Variants in DRC1 observed in about 807,000 individuals in gnomAD.
DRC1 encodes the protein dynein regulatory complex subunit 1, also known as dynein regulatory complex protein 1.
A neutral mutation model predicts 98.7 loss-of-function variants in DRC1; 74 were observed. The observed-to-expected ratio is 0.75, with a 90% CI of 0.62 to 0.91. The LOEUF (loss-of-function observed/expected upper bound fraction) is 0.91, where lower values mean the gene tolerates loss of function less well. DRC1 is among the 40% of genes least tolerant of loss of function. The pLI is 0.00. For synonymous variants in DRC1, 336 were observed against 334.1 expected, an observed-to-expected ratio of 1.01 and a Z score of -0.06; for missense variants, 875 against 886.0, an observed-to-expected ratio of 0.99 and a Z score of 0.16.
rs775996518 is a variant in DRC1, at chr2:26,424,372, T to C, written c.458T>C (p.Leu153Pro). The C allele has an allele frequency of 6.2e-7, 1 of 1,613,788 alleles. No individual in the cohort carries two copies. Among genetic ancestry groups the C allele is most frequent in the African/African-American group, 1.3e-5 (1 of 74,906 alleles). The change falls in exon 4 of 17, where the codon CTG (leucine) becomes CCG (proline). Residue 153 changes from leucine to proline, a missense_variant. Physicochemically the swap from Leu to Pro is moderately conservative, Grantham distance 98. Coordinates refer to ENST00000288710, the MANE Select transcript of DRC1 (RefSeq NM_145038.5). ...AAGCAGAAGAGAATTCCCCAAGAGC[T>C]GTGGGAAATGCTCAATACCCAACAG... is the stretch of plus-strand genomic sequence containing the variant. ...EGKQKRIPQE[L>P]WEMLNTQQLH...
At chr2:26,446,148 G>A (rs2148001855) in intron 10 of DRC1, among the ~76,000 whole-genome samples, 1 of 148,760 alleles carries the variant, frequency 6.7e-6, no homozygotes, top group South Asian at 2.2e-4. Context: ...CCAGGCTGGA[G>A]GGCAGTGGTG....
At chr2:26,418,223 C>T (rs1012663399) in intron 2 of DRC1, among the ~76,000 whole-genome samples, 4 of 151,980 alleles carry the variant, frequency 2.6e-5, no homozygotes, top group Non-Finnish European at 4.4e-5. Context: ...ATATGTGCCT[C>T]TTCCCGGAGT....
In DRC1 at chr2:26,444,750, G is replaced by A. The variant is rs867756675; in HGVS notation, c.1198G>A (p.Glu400Lys). ...TCTTATTGATGATGAGAAGTTTTGG[G>A]AGATTTGGCTGATGAATGAAGAGGA... is the stretch of plus-strand genomic sequence containing the variant. ...FALIDDEKFW[E>K]IWLMNEEEAK... The change falls in exon 10 of 17, where the codon GAG (glutamate) becomes AAG (lysine). Residue 400 changes from glutamate to lysine, a missense_variant. Transcript: ENST00000288710. The A allele has an allele frequency of 6.2e-7, 1 of 1,614,142 alleles. No homozygotes were observed. Among genetic ancestry groups the A allele is most frequent in the Non-Finnish European group, 8.5e-7 (1 of 1,180,026 alleles).
At chr2:26,444,589 C>T in intron 9 of DRC1, 127 bp from the exon 10 acceptor site, 1 of 1,074,532 alleles carries the variant, frequency 9.3e-7, no homozygotes, top group Non-Finnish European at 1.3e-6. Flanking sequence ...GAATCAGCCG[C>T]CCAGGGATGG....
At chr2:26,450,117 G>A (rs754574511) in intron 12 of DRC1, 32 bp downstream of exon 12, 6 of 1,596,154 alleles carry the variant, frequency 3.8e-6, no homozygotes, top group Non-Finnish European at 5.1e-6. Flanking sequence ...GGACACGGGT[G>A]GGGCTGCAGC....
At chr2:26,440,290 C>T (rs1663681722) in intron 7 of DRC1, 88 bp from the exon 8 acceptor site, 4 of 1,373,606 alleles carry the variant, frequency 2.9e-6, no homozygotes, top group Non-Finnish European at 3.8e-6. Flanking sequence ...GTATATAATA[C>T]TAAGGATGCA....
intron 1 of DRC1, among the ~76,000 whole-genome samples, chr2:26,412,441 G>A (rs1678644225): frequency 6.6e-6 from 1 of 152,160 alleles, no homozygotes; most frequent in Non-Finnish European, 1.5e-5. Context: ...TCCTAAGGCA[G>A]TACTGGTAGC....
chr2:26,431,417 C>T (rs1296390339), intron 6 of DRC1, among the ~76,000 whole-genome samples: 1 of 152,084 alleles, frequency 6.6e-6, no homozygotes, highest in Non-Finnish European at 1.5e-5. Context: ...CGTCACTTTC[C>T]CCTCTGTTTA....
Position 26,401,952 on chromosome 2 carries a change from G to A in DRC1, c.-38G>A, listed in dbSNP as rs913818948. 1.3e-6 allele frequency: 2 copies of A among 1,563,010 alleles called. No individual in the cohort carries two copies. The highest frequency in any genetic ancestry group is 2.4e-5 in the South Asian group (2 of 85,054). On this transcript the variant is annotated 5_prime_UTR_variant, in exon 1 of 17. In the 5' UTR this introduces an upstream ATG that the reference lacks. Transcript: ENST00000288710. The stretch of plus-strand genomic sequence containing the variant: ...GCAACCAGCCTGAGGTCTGGAGGTG[G>A]TGCGGAGGGAGCCGCCTAGGGACCA...
chr2:26,443,328 C>T (rs1663764279), intron 8 of DRC1, among the ~76,000 whole-genome samples: 1 of 152,162 alleles, frequency 6.6e-6, no homozygotes, highest in South Asian at 2.1e-4. Flanking sequence ...ATTGCGCCTG[C>T]CATGCATATT....
intron 7 of DRC1, among the ~76,000 whole-genome samples, chr2:26,437,086 C>T (rs535265626): frequency 6.6e-6 from 1 of 152,266 alleles, no homozygotes; most frequent in East Asian, 1.9e-4. Context: ...GATTCCTGAC[C>T]CACTCACGAT....
rs774466512 is a variant in DRC1 at position 26,444,738 on chromosome 2, G to A, written c.1186G>A (p.Glu396Lys). 2.2e-5 allele frequency: 35 copies of A among 1,613,986 alleles called. No individual in the cohort carries two copies. In the African/African-American group the frequency reaches 4.5e-4, roughly 21 times the overall value. Reference protein sequence around the residue: ...AMRHFALIDDEKFWEIWLMNE... With the variant: ...AMRHFALIDDKKFWEIWLMNE... ...CAGGCATTTTGCTCTTATTGATGATGAGAAGTTTTGGGAGATTTGGCTGAT... is the reference window on the plus strand; with the variant it reads ...CAGGCATTTTGCTCTTATTGATGATAAGAAGTTTTGGGAGATTTGGCTGAT... The change falls in exon 10 of 17, where the codon GAG becomes AAG. Residue 396 changes from glutamate to lysine, a missense_variant. By Grantham distance (56) the Glu-to-Lys change is moderately conservative. Transcript: ENST00000288710.
At chr2:26,443,833 T>G (rs1031884703) in intron 8 of DRC1, among the ~76,000 whole-genome samples, 2 of 152,214 alleles carry the variant, frequency 1.3e-5, no homozygotes, top group Non-Finnish European at 2.9e-5. Context: ...GCTTCATGAT[T>G]GAATTAAACA....
In DRC1 at chr2:26,454,936, T is replaced by TGG; in HGVS notation, c.2063+149_2063+150dup. On this transcript the variant is annotated intron_variant, in intron 15 of 16. Coordinates refer to ENST00000288710, the MANE Select transcript of DRC1 (RefSeq NM_145038.5). The surrounding 1 kb of genome is among the most constrained non-coding windows in gnomAD (Gnocchi z 5.2). ...GCATCTCCTGTGTGGGTGGATCATG[T>TGG]GGGGCAGTTGGCTCTTGGGCCCTGG... The TGG allele has an allele frequency of 7.0e-7, 1 of 1,429,698 alleles. No homozygotes were observed. Among genetic ancestry groups the TGG allele is most frequent in the Admixed American group, 1.9e-5 (1 of 53,880 alleles). The allele number at this position is 1,429,698 out of a possible 1,614,324, so 88.6% of individuals were successfully genotyped here.
chr2:26,441,969 C>G (rs1432763054), intron 8 of DRC1, among the ~76,000 whole-genome samples: 1 of 152,230 alleles, frequency 6.6e-6, no homozygotes, highest in Admixed American at 6.5e-5. Flanking sequence ...CTCTAACAGA[C>G]TACCTGAGAC....
chr2:26,408,816 G>A (rs374819282), intron 1 of DRC1, among the ~76,000 whole-genome samples: 2 of 151,960 alleles, frequency 1.3e-5, no homozygotes, highest in East Asian at 1.9e-4. Flanking sequence ...CACTAACATC[G>A]GGTTTGCTCA....
intron 14 of DRC1, among the ~76,000 whole-genome samples, chr2:26,453,998 G>T (rs1443415379): frequency 6.6e-6 from 1 of 152,200 alleles, no homozygotes; most frequent in African/African-American, 2.4e-5. Flanking sequence ...GCATGGGGAA[G>T]GTCTGGTCTG....
chr2:26,454,593 G>T lies in DRC1; in HGVS notation c.1920-54G>T. On this transcript the variant is annotated intron_variant, in intron 14 of 16. Coordinates refer to ENST00000288710, the MANE Select transcript of DRC1 (RefSeq NM_145038.5). This position sits in a 1 kb window ranked among gnomAD's most constrained non-coding sequence, Gnocchi z 5.2. ...GTAGGCCTGTGACTGGCACTGCCTG[G>T]GGGCCTGGGTAGTACCCAATGGACA... is the stretch of plus-strand genomic sequence containing the variant. The T allele has an allele frequency of 1.3e-6, 2 of 1,599,774 alleles. No homozygotes were observed. Among genetic ancestry groups the T allele is most frequent in the South Asian group, 2.2e-5 (2 of 89,070 alleles).
chr2:26,429,837 T>C lies in DRC1; in HGVS notation c.678+72T>C. On this transcript the variant is annotated intron_variant, in intron 5 of 16. Transcript: ENST00000288710. ...GGGAGGAGGTCTAGGTCTGTCCTAA[T>C]AATCTAAGGAGGGCCCTACATGACT... 3 of 1,528,800 alleles carry C rather than the reference T, an allele frequency of 2.0e-6. No individual in the cohort carries two copies. In the South Asian group the frequency reaches 3.7e-5, roughly 19 times the overall value. The allele number at this position is 1,528,800 out of a possible 1,614,324, so 94.7% of individuals were successfully genotyped here.
Sources: gnomAD v4.1 joint callset for allele counts (sites outside exome capture counted in the v4.1 genomes callset) on GRCh38, gnomAD v4.1.1 for gene constraint, Gnocchi (gnomAD v3.1) non-coding constraint, MANE v1.5 for transcripts, NCBI Gene and HGNC (gene_info 2026-07-23, HGNC 2026-07-21) for gene names.